Variants in SORCS2 observed in about 807,000 individuals in gnomAD.
SORCS2 encodes VPS10 domain-containing receptor SorCS2.
A neutral mutation model predicts 141.6 loss-of-function variants in SORCS2; 100 were observed. That is an observed-to-expected ratio of 0.71 (90% confidence interval 0.60 to 0.83). SORCS2 has a LOEUF of 0.83. SORCS2 is among the 40% of genes least tolerant of loss of function. The probability of loss-of-function intolerance (pLI) is 0.00; values close to 1 mark genes in which losing one functional copy is unlikely to be tolerated. For synonymous variants in SORCS2, 789 were observed against 676.9 expected (o/e 1.17, Z -2.57); for missense variants, 1,646 against 1,560.2 (o/e 1.05, Z -0.93).
intron 2 of SORCS2, chr4:7,460,106 CT>C (rs1474738644): frequency 2.3e-4 from 35 of 155,106 alleles, no homozygotes; most frequent in African/African-American, 7.4e-4. Flanking sequence ...GTCCCTCCCC[CT>C]GCATGGTGCC....
intron 1 of SORCS2, among the ~76,000 whole-genome samples, chr4:7,276,306 T>A (rs1399752995): frequency 6.6e-6 from 1 of 152,146 alleles, no homozygotes; most frequent in East Asian, 1.9e-4. Flanking sequence ...GCCCATGCCC[T>A]GTGCTGAGGG....
chr4:7,445,223 A>G (rs60065730), intron 2 of SORCS2, among the ~76,000 whole-genome samples: 38,606 of 151,936 alleles, frequency 0.25, 5,827 homozygotes, highest in African/African-American at 0.44. Context: ...GCACCCTTGC[A>G]ACAGATACTT....
At chr4:7,659,106 A>G (rs965843297) in intron 5 of SORCS2, among the ~76,000 whole-genome samples, 1 of 152,148 alleles carries the variant, frequency 6.6e-6, no homozygotes. Flanking sequence ...AGGAGTTCCC[A>G]GGGAGTCTTG....
At position 7,726,832 on chromosome 4, in the gene SORCS2, A is replaced by G. The variant is rs778545340; in HGVS notation, c.2798A>G (p.Asp933Gly). Residue 933 changes from aspartate to glycine, a missense_variant, in exon 21 of 27, where the codon GAC becomes GGC. Physicochemically the swap from Asp to Gly is moderately conservative, Grantham distance 94. Coordinates refer to ENST00000507866, the MANE Select transcript of SORCS2 (RefSeq NM_020777.3). ...SVTTRFSDTG[D>G]VRVTVQAACG... is the part of the protein sequence containing the mutation. Reference sequence around the variant, plus strand: ...ACAACGCGGTTTTCGGACACGGGCGACGTGCGTGTGACGGTGCAGGCCGCC... The same window carrying G: ...ACAACGCGGTTTTCGGACACGGGCGGCGTGCGTGTGACGGTGCAGGCCGCC... 1.2e-6 allele frequency: 2 copies of G among 1,613,812 alleles called. No individual in the cohort carries two copies.
chr4:7,253,240 C>G (rs941721762), intron 1 of SORCS2, among the ~76,000 whole-genome samples: 4 of 152,236 alleles, frequency 2.6e-5, no homozygotes, highest in African/African-American at 9.6e-5. Flanking sequence ...GCCCTCCCAA[C>G]AAGGTTTGCT....
At chr4:7,591,751 G>A (rs1175615777) in intron 3 of SORCS2, among the ~76,000 whole-genome samples, 2 of 152,164 alleles carry the variant, frequency 1.3e-5, no homozygotes, top group East Asian at 3.9e-4. Flanking sequence ...AGCGCCCCAC[G>A]GCAGTGATGA....
rs78177707 is a variant in SORCS2 at position 7,621,950 on chromosome 4, C to G, written c.649-16378C>G. Among the ~76,000 whole-genome samples, 686 of 152,314 alleles carry G rather than the reference C, an allele frequency of 4.5e-3. 12 individuals carry two copies. The highest frequency in any genetic ancestry group is 0.016 in the African/African-American group (664 of 41,576). On this transcript the variant is annotated intron_variant, in intron 3 of 26. Coordinates refer to ENST00000507866, the MANE Select transcript of SORCS2 (RefSeq NM_020777.3). ...CACTGCCTGGCTTGGTGAGCTCTATCTGCTTGTGACAACAGCGCTGTGAGT... is the reference window on the plus strand; with the variant it reads ...CACTGCCTGGCTTGGTGAGCTCTATGTGCTTGTGACAACAGCGCTGTGAGT...
At chr4:7,255,848 G>A (rs1713822596) in intron 1 of SORCS2, among the ~76,000 whole-genome samples, 1 of 148,812 alleles carries the variant, frequency 6.7e-6, no homozygotes. Context: ...TTGGTGCGTG[G>A]GGACCCGGGG....
chr4:7,369,655 C>G (rs1484646175), intron 1 of SORCS2, among the ~76,000 whole-genome samples: 1 of 152,182 alleles, frequency 6.6e-6, no homozygotes, highest in East Asian at 1.9e-4. Flanking sequence ...TGGCCTGGCC[C>G]CAGCTTTGCT....
chr4:7,560,410 G>A lies in SORCS2; in HGVS notation c.648+28781G>A, dbSNP rs566840559. Among the ~76,000 whole-genome samples the A allele has an allele frequency of 5.9e-5, 9 of 152,212 alleles. No homozygotes were observed. The South Asian group carries it at 8.3e-4, about 14-fold the overall frequency. ...GGTAGAAAGAAAGAAGACAGACCCC[G>A]CTGTCAGGTAGACAGGGGCTGTGCT... is the stretch of plus-strand genomic sequence containing the variant. On this transcript the variant is annotated intron_variant, in intron 3 of 26. Coordinates refer to ENST00000507866, the MANE Select transcript of SORCS2 (RefSeq NM_020777.3).
intron 12 of SORCS2, among the ~76,000 whole-genome samples, chr4:7,698,238 A>G (rs1299509843): frequency 1.3e-5 from 2 of 152,204 alleles, no homozygotes; most frequent in African/African-American, 4.8e-5. Flanking sequence ...AAACTTACAT[A>G]TGGCTATCTC....
At chr4:7,615,049 C>T (rs1718667263) in intron 3 of SORCS2, among the ~76,000 whole-genome samples, 1 of 152,192 alleles carries the variant, frequency 6.6e-6, no homozygotes, top group African/African-American at 2.4e-5. Context: ...ATCCATCCAC[C>T]TATTCACCCA....
At chr4:7,501,924 C>T (rs1019473980) in intron 2 of SORCS2, among the ~76,000 whole-genome samples, 3 of 152,262 alleles carry the variant, frequency 2.0e-5, no homozygotes, top group Admixed American at 1.3e-4. Flanking sequence ...AGCACAGCTT[C>T]TGAGGCATCT....
At chr4:7,542,746 T>G (rs1313160162) in intron 3 of SORCS2, among the ~76,000 whole-genome samples, 2 of 152,120 alleles carry the variant, frequency 1.3e-5, no homozygotes, top group East Asian at 3.9e-4. Flanking sequence ...CTCAGAGCAA[T>G]GATCAGCGAT....
At chr4:7,419,043 C>T (rs1364819350) in intron 2 of SORCS2, among the ~76,000 whole-genome samples, 2 of 152,234 alleles carry the variant, frequency 1.3e-5, no homozygotes, top group Non-Finnish European at 2.9e-5. Context: ...AAGATCACTT[C>T]TGCAAATCTC....
At chr4:7,328,900 G>C (rs13114793) in intron 1 of SORCS2, among the ~76,000 whole-genome samples, 45,582 of 152,068 alleles carry the variant, frequency 0.3, 7,531 homozygotes, top group African/African-American at 0.44. Context: ...GGCACCCTTG[G>C]CAGTTAGCTC....
intron 4 of SORCS2, among the ~76,000 whole-genome samples, chr4:7,650,320 G>A (rs930209644): frequency 2.6e-5 from 4 of 152,168 alleles, no homozygotes; most frequent in African/African-American, 4.8e-5. Context: ...CACCTGGAGC[G>A]GATCCTGCTA....
intron 2 of SORCS2, among the ~76,000 whole-genome samples, chr4:7,487,240 A>G (rs1463069202): frequency 6.6e-6 from 1 of 152,232 alleles, no homozygotes; most frequent in East Asian, 1.9e-4. Context: ...CAGCTATGGA[A>G]GCCTTCTCTG....
At chr4:7,702,600 C>A (rs1047023548) in intron 12 of SORCS2, among the ~76,000 whole-genome samples, 1 of 152,224 alleles carries the variant, frequency 6.6e-6, no homozygotes, top group Non-Finnish European at 1.5e-5. Context: ...CTGGGTAAGC[C>A]CTGTCCAGGC....
Sources: gnomAD v4.1 joint callset for allele counts (sites outside exome capture counted in the v4.1 genomes callset) on GRCh38, gnomAD v4.1.1 for gene constraint, MANE v1.5 for transcripts, NCBI Gene and HGNC (gene_info 2026-07-23, HGNC 2026-07-21) for gene names.